The following SPATA45 variants were observed in gnomAD, a reference collection of about 807,000 sequenced individuals.
SPATA45 encodes spermatogenesis associated 45.
A neutral mutation model predicts 7.0 loss-of-function variants in SPATA45; 5 were observed. That is an observed-to-expected ratio of 0.71 (90% CI 0.37 to 1.50). The LOEUF (loss-of-function observed/expected upper bound fraction) is 1.50, where lower values mean the gene tolerates loss of function less well. Ranked by LOEUF, SPATA45 falls within the 40% of genes most tolerant of loss-of-function variation. The pLI is 0.03. For synonymous variants in SPATA45, 40 were observed against 38.7 expected, an observed-to-expected ratio of 1.03 and a Z score of -0.13; for missense variants, 111 against 114.9, an observed-to-expected ratio of 0.97 and a Z score of 0.16.
chr1:212,831,994 A>C (rs2102506870), intron 2 of SPATA45, among the ~76,000 whole-genome samples: 1 of 132,596 alleles, frequency 7.5e-6, no homozygotes, highest in East Asian at 2.1e-4. Flanking sequence ...ATTTATCACT[A>C]TCTGATCGGA....
At chr1:212,832,279 C>T (rs1397499766) in intron 2 of SPATA45, among the ~76,000 whole-genome samples, 1 of 149,750 alleles carries the variant, frequency 6.7e-6, no homozygotes, top group Non-Finnish European at 1.5e-5. Flanking sequence ...GCTGGGATTA[C>T]AGGCGTGAGC....
At chr1:212,843,541 C>T (rs949244098) in intron 1 of SPATA45, among the ~76,000 whole-genome samples, 1 of 152,192 alleles carries the variant, frequency 6.6e-6, no homozygotes, top group Non-Finnish European at 1.5e-5. Context: ...GAATTGGCTA[C>T]ATAATTTGTA....
intron 1 of SPATA45, among the ~76,000 whole-genome samples, chr1:212,845,435 G>A (rs886288927): frequency 1.1e-4 from 16 of 152,238 alleles, no homozygotes; most frequent in East Asian, 5.8e-4. Context: ...GAAGGCCACC[G>A]CAGTCATTTC....
chr1:212,839,143 A>G (rs1663636271), intron 1 of SPATA45, among the ~76,000 whole-genome samples: 1 of 146,532 alleles, frequency 6.8e-6, no homozygotes, highest in Non-Finnish European at 1.5e-5. Context: ...ATATATATAT[A>G]ATATATTCCT....
intron 1 of SPATA45, among the ~76,000 whole-genome samples, chr1:212,839,220 A>C (rs534913672): frequency 6.7e-6 from 1 of 149,470 alleles, no homozygotes; most frequent in South Asian, 2.1e-4. Flanking sequence ...TGATAAACAC[A>C]ATATTATGGC....
chr1:212,835,188 T>A (rs927563773), intron 2 of SPATA45, among the ~76,000 whole-genome samples: 9 of 151,724 alleles, frequency 5.9e-5, no homozygotes, highest in African/African-American at 2.2e-4. Flanking sequence ...TTCTTCCTAA[T>A]TTTTAGGAAT....
In SPATA45 at chr1:212,836,205, A is replaced by T; in HGVS notation, c.-38-18T>A. The stretch of plus-strand genomic sequence containing the variant: ...TTGCTGTCCTACAAACAAATGAAAA[A>T]ATACTTTCAATTGTCTTTTTGACTC... On this transcript the variant is annotated intron_variant, in intron 1 of 2. Coordinates refer to ENST00000332912, the MANE Select transcript of SPATA45 (RefSeq NM_001024601.3). 1.4e-6 allele frequency: 2 copies of T among 1,464,690 alleles called. No homozygotes were observed. The highest frequency in any genetic ancestry group is 1.9e-6 in the Non-Finnish European group (2 of 1,074,722). The allele number at this position is 1,464,690 out of a possible 1,614,324, so 90.7% of individuals were successfully genotyped here.
rs957610975 is a variant in SPATA45 at position 212,835,911 on chromosome 1, A to G, written c.239T>C (p.Leu80Pro). The G allele has an allele frequency of 4.3e-6, 7 of 1,609,484 alleles. No homozygotes were observed. The highest frequency in any genetic ancestry group is 5.9e-6 in the Non-Finnish European group (7 of 1,177,128). The change falls in exon 2 of 3, where the codon CTC becomes CCC. Residue 80 changes from leucine (L) to proline (P), a missense_variant. Physicochemically the swap from Leu to Pro is moderately conservative, Grantham distance 98. Transcript: ENST00000332912. Reference protein sequence around the residue: ...SGRSSWIKLSLLAHMERKHFP... With the variant: ...SGRSSWIKLSPLAHMERKHFP... ...GTGCTTTCTCTCCATGTGAGCAAGGAGACTCAGCTTGATCCAGGAGCTCCT... is the reference window on the plus strand; with the variant it reads ...GTGCTTTCTCTCCATGTGAGCAAGGGGACTCAGCTTGATCCAGGAGCTCCT...
Position 212,835,885 on chromosome 1 carries a change from A to G in SPATA45, c.265T>C (p.Phe89Leu). Residue 89 changes from phenylalanine (F) to leucine (L), a missense_variant, in exon 2 of 3, where the codon TTT becomes CTT. Coordinates refer to ENST00000332912, the MANE Select transcript of SPATA45 (RefSeq NM_001024601.3). ...GATAACTTCTTACTTTTTGGTGGAA[A>G]GTGCTTTCTCTCCATGTGAGCAAGG... ...SLLAHMERKH[F>L]PPKNNAIFG 6.3e-7 allele frequency: 1 copy of G among 1,583,664 alleles called. No individual in the cohort carries two copies. Among genetic ancestry groups the G allele is most frequent in the African/African-American group, 1.4e-5 (1 of 73,054 alleles).
intron 2 of SPATA45, among the ~76,000 whole-genome samples, chr1:212,831,641 A>T (rs1264211733): frequency 6.6e-6 from 1 of 151,406 alleles, no homozygotes; most frequent in Non-Finnish European, 1.5e-5. Context: ...GAAATCTCGG[A>T]CTAAGAGAAC....
intron 1 of SPATA45, among the ~76,000 whole-genome samples, chr1:212,842,791 G>GCC (rs1663711236): frequency 2.0e-5 from 3 of 151,884 alleles, no homozygotes; most frequent in Non-Finnish European, 4.4e-5. Context: ...TGGCCAACAT[G>GCC]GTGAAACCCT....
At chr1:212,831,700 C>T (rs968322927) in intron 2 of SPATA45, among the ~76,000 whole-genome samples, 3 of 151,188 alleles carry the variant, frequency 2.0e-5, no homozygotes, top group Admixed American at 6.6e-5. Context: ...AGAGGATCAC[C>T]CAGAACTCCA....
intron 1 of SPATA45, among the ~76,000 whole-genome samples, chr1:212,845,482 T>G (rs2102515420): frequency 6.6e-6 from 1 of 152,304 alleles, no homozygotes; most frequent in South Asian, 2.1e-4. Flanking sequence ...AGTTTGGCCT[T>G]CCCACCTCTA....
At position 212,830,280 on chromosome 1, in the gene SPATA45, A is replaced by C; in HGVS notation, c.278-19T>G. The stretch of plus-strand genomic sequence containing the variant: ...GCATTATCTGAAAAAATAAAAAATA[A>C]AAAGTATTTGTTATATAACTTATAA... On this transcript the variant is annotated intron_variant, in intron 2 of 2. Transcript: ENST00000332912. 1 of 1,427,510 alleles carries C rather than the reference A, an allele frequency of 7.0e-7. No individual in the cohort carries two copies. The highest frequency in any genetic ancestry group is 9.7e-7 in the Non-Finnish European group (1 of 1,028,372). 88.4% of individuals were successfully genotyped at this position (1,427,510 alleles called of 1,614,324 possible). A position where few individuals can be genotyped will look rare whatever the true frequency, so the allele number is the denominator to read the frequency against.
At position 212,837,132 on chromosome 1, in the gene SPATA45, A is replaced by G. The variant is rs553943904; in HGVS notation, c.-38-945T>C. Among the ~76,000 whole-genome samples, 9 of 151,510 alleles carry G rather than the reference A, an allele frequency of 5.9e-5. 1 individual carries two copies. In the South Asian group the frequency reaches 1.0e-3, roughly 18 times the overall value. ...ATTATTTCTTCTGATTATAAAAATAATACATGTTTATTACATATATTAATA... is the reference window on the plus strand; with the variant it reads ...ATTATTTCTTCTGATTATAAAAATAGTACATGTTTATTACATATATTAATA... On this transcript the variant is annotated intron_variant, in intron 1 of 2. Transcript: ENST00000332912.
chr1:212,841,008 T>C (rs1242183546), intron 1 of SPATA45, among the ~76,000 whole-genome samples: 1 of 152,040 alleles, frequency 6.6e-6, no homozygotes, highest in African/African-American at 2.4e-5. Flanking sequence ...TGGAGTGATA[T>C]CGGCTCACTG....
chr1:212,830,854 C>T (rs1406594426), intron 2 of SPATA45, among the ~76,000 whole-genome samples: 2 of 151,246 alleles, frequency 1.3e-5, no homozygotes, highest in Non-Finnish European at 3.0e-5. Context: ...TGGTGGGATG[C>T]GCCTGTAGTC....
In SPATA45 at chr1:212,839,262, GA is replaced by G. The variant is rs59772482; in HGVS notation, c.-38-3076del. On this transcript the variant is annotated intron_variant, in intron 1 of 2. Transcript: ENST00000332912. Reference sequence around the variant, plus strand: ...TCAAAATAACTATGCTGAGTAAAAAGAAAAAAAAAAAGCCAGACAAATCAGA... The same window carrying G: ...TCAAAATAACTATGCTGAGTAAAAAGAAAAAAAAAAGCCAGACAAATCAGA... Among the ~76,000 whole-genome samples, 882 of 135,878 alleles carry G rather than the reference GA, an allele frequency of 6.5e-3. 13 individuals are homozygous for G. Among genetic ancestry groups the G allele is most frequent in the African/African-American group, 0.018 (666 of 37,570 alleles). The allele number at this position is 135,878 out of a possible 152,430, so 89.1% of individuals were successfully genotyped here.
chr1:212,835,576 T>C (rs1413543826), intron 2 of SPATA45, among the ~76,000 whole-genome samples: 2 of 150,116 alleles, frequency 1.3e-5, no homozygotes, highest in African/African-American at 4.9e-5. Context: ...CTCATGCCTG[T>C]AATCGCAGCA....
Sources: allele counts gnomAD v4.1 joint callset (sites outside exome capture counted in the v4.1 genomes callset), GRCh38; gene constraint gnomAD v4.1.1; transcripts MANE v1.5; gene names NCBI Gene and HGNC (gene_info 2026-07-23, HGNC 2026-07-21).